SORCS2: variants seen among roughly 807,000 people sequenced by gnomAD.
SORCS2 encodes sortilin related VPS10 domain containing receptor 2, also known as VPS10 domain-containing receptor SorCS2.
Under a neutral mutation model 141.6 loss-of-function variants are expected in SORCS2, and 100 were observed. The ratio of observed to expected loss-of-function variants is 0.71; its 90% confidence interval spans 0.60 to 0.83. SORCS2 has a LOEUF of 0.83. Ranked by LOEUF, SORCS2 falls within the 40% of genes least tolerant of loss-of-function variation. The probability of loss-of-function intolerance (pLI) is 0.00; values close to 1 mark genes in which losing one functional copy is unlikely to be tolerated. For missense variants in SORCS2, 1,646 were observed against 1,560.2 expected (o/e 1.05, Z -0.93); for synonymous variants, 789 against 676.9 (o/e 1.17, Z -2.57).
At chr4:7,461,406 C>A (rs1181279044) in intron 2 of SORCS2, among the ~76,000 whole-genome samples, 1 of 152,188 alleles carries the variant, frequency 6.6e-6, no homozygotes, top group African/African-American at 2.4e-5. Flanking sequence ...GGCTGTCAGC[C>A]TGGCCGCGCC....
intron 3 of SORCS2, among the ~76,000 whole-genome samples, chr4:7,616,282 C>A (rs934525868): frequency 6.6e-6 from 1 of 152,108 alleles, no homozygotes; most frequent in African/African-American, 2.4e-5. Flanking sequence ...CCAACCCACT[C>A]ACATATACAT....
intron 1 of SORCS2, among the ~76,000 whole-genome samples, chr4:7,365,520 T>C (rs1721828610): frequency 6.6e-6 from 1 of 152,170 alleles, no homozygotes; most frequent in African/African-American, 2.4e-5. Flanking sequence ...TGCTTTCAAA[T>C]GTTTTTACAA....
At chr4:7,470,987 C>T (rs1251827202) in intron 2 of SORCS2, among the ~76,000 whole-genome samples, 1 of 152,004 alleles carries the variant, frequency 6.6e-6, no homozygotes, top group Non-Finnish European at 1.5e-5. Flanking sequence ...ACAGAGTAGT[C>T]ATGGGGTCTC....
At position 7,596,326 on chromosome 4, in the gene SORCS2, G is replaced by C. The variant is rs1213941043; in HGVS notation, c.649-42002G>C. Among the ~76,000 whole-genome samples, 4 of 152,184 alleles carry C rather than the reference G, an allele frequency of 2.6e-5. No homozygotes were observed. In the East Asian group the frequency reaches 7.7e-4, roughly 29 times the overall value. On this transcript the variant is annotated intron_variant, in intron 3 of 26. Transcript: ENST00000507866. Reference sequence around the variant, plus strand: ...GTGGTTAGCGGCTCCCCTCTGCAAAGAGAGCTTCATTTTCTGGTTGAAGTG... The same window carrying C: ...GTGGTTAGCGGCTCCCCTCTGCAAACAGAGCTTCATTTTCTGGTTGAAGTG...
chr4:7,350,743 C>T (rs550165908), intron 1 of SORCS2, among the ~76,000 whole-genome samples: 96 of 152,348 alleles, frequency 6.3e-4, no homozygotes, highest in African/African-American at 2.3e-3. Context: ...AATTAACATG[C>T]TGTTGGTCAC....
intron 1 of SORCS2, among the ~76,000 whole-genome samples, chr4:7,350,629 C>T (rs1424082283): frequency 6.6e-6 from 1 of 152,224 alleles, no homozygotes; most frequent in East Asian, 1.9e-4. Context: ...GCGGCAGGTC[C>T]AGGCAGTCAA....
chr4:7,329,526 T>C (rs1387976118), intron 1 of SORCS2, among the ~76,000 whole-genome samples: 6 of 152,176 alleles, frequency 3.9e-5, no homozygotes, highest in African/African-American at 1.4e-4. Context: ...TGCAGGTAGC[T>C]CAGTCTGGGG....
chr4:7,262,622 C>T (rs532401705), intron 1 of SORCS2, among the ~76,000 whole-genome samples: 10 of 152,314 alleles, frequency 6.6e-5, no homozygotes, highest in South Asian at 4.1e-4. Context: ...ACAAGATGAT[C>T]GGCAAGAAGC....
chr4:7,568,235 G>A (rs1715154331), intron 3 of SORCS2, among the ~76,000 whole-genome samples: 1 of 152,244 alleles, frequency 6.6e-6, no homozygotes, highest in South Asian at 2.1e-4. Flanking sequence ...AGCACACCTA[G>A]GCCAAACAAG....
chr4:7,527,735 C>G (rs1489331212), intron 2 of SORCS2, among the ~76,000 whole-genome samples: 2 of 152,208 alleles, frequency 1.3e-5, no homozygotes, highest in African/African-American at 4.8e-5. Flanking sequence ...GCCCCCTCCG[C>G]TGAGCCTGGG....
intron 3 of SORCS2, among the ~76,000 whole-genome samples, chr4:7,612,877 AG>A (rs1718504844): frequency 6.6e-6 from 1 of 152,190 alleles, no homozygotes; most frequent in African/African-American, 2.4e-5. Context: ...TGGAGGGGAC[AG>A]GTAGTGGGAG....
chr4:7,472,967 T>C (rs755032098), intron 2 of SORCS2, among the ~76,000 whole-genome samples: 2 of 151,896 alleles, frequency 1.3e-5, no homozygotes, highest in Non-Finnish European at 2.9e-5. Flanking sequence ...CAATACTACA[T>C]CTTATTTCAT....
intron 18 of SORCS2, among the ~76,000 whole-genome samples, chr4:7,722,896 T>A (rs185301740): frequency 6.6e-6 from 1 of 152,068 alleles, no homozygotes; most frequent in African/African-American, 2.4e-5. Flanking sequence ...GTTTCCTCCA[T>A]CATCACTAGG....
intron 2 of SORCS2, chr4:7,434,217 G>T: frequency 6.2e-7 from 1 of 1,613,692 alleles, no homozygotes; most frequent in Non-Finnish European, 8.5e-7. Flanking sequence ...TGCAGAGGAC[G>T]GCCAGGCCAG....
chr4:7,266,922 G>C (rs551002189), intron 1 of SORCS2, among the ~76,000 whole-genome samples: 1 of 152,052 alleles, frequency 6.6e-6, no homozygotes, highest in Non-Finnish European at 1.5e-5. Flanking sequence ...CTCTGCAGAC[G>C]GTGGCTCATC....
chr4:7,252,990 A>G (rs1441220241), intron 1 of SORCS2, among the ~76,000 whole-genome samples: 2 of 152,254 alleles, frequency 1.3e-5, no homozygotes, highest in Admixed American at 6.5e-5. Context: ...CAGAGCCAGC[A>G]TTTGGGACAG....
chr4:7,252,562 G>T (rs1215176824), intron 1 of SORCS2, among the ~76,000 whole-genome samples: 2 of 152,154 alleles, frequency 1.3e-5, no homozygotes, highest in Admixed American at 1.3e-4. Flanking sequence ...GAAAATAAAG[G>T]CTCTACATAC....
intron 3 of SORCS2, among the ~76,000 whole-genome samples, chr4:7,611,627 G>T (rs1042561377): frequency 9.2e-5 from 14 of 152,184 alleles, no homozygotes; most frequent in African/African-American, 3.1e-4. Flanking sequence ...AATATGTCAG[G>T]ATTTGTTTCC....
At chr4:7,256,969 C>T (rs755583795) in intron 1 of SORCS2, among the ~76,000 whole-genome samples, 1 of 152,038 alleles carries the variant, frequency 6.6e-6, no homozygotes, top group Non-Finnish European at 1.5e-5. Flanking sequence ...GGTAGAGACT[C>T]GGGGGTCATT....
Sources: allele counts gnomAD v4.1 joint callset (sites outside exome capture counted in the v4.1 genomes callset), GRCh38; gene constraint gnomAD v4.1.1; transcripts MANE v1.5; gene names NCBI Gene and HGNC (gene_info 2026-07-23, HGNC 2026-07-21).